The following SNX30 variants were observed in gnomAD, a reference collection of about 807,000 sequenced individuals.
SNX30 encodes the protein sorting nexin-30.
In SNX30, 24 loss-of-function variants were observed where a neutral mutation model predicts 46.4. The observed-to-expected ratio is 0.52, with a 90% confidence interval of 0.37 to 0.73. The LOEUF is 0.73. Among genes scored for constraint, SNX30 ranks in the 30% least tolerant of loss-of-function variants. SNX30 has a pLI of 0.00. For missense variants in SNX30, 533 were observed against 555.7 expected, an observed-to-expected ratio of 0.96 and a Z score of 0.41; for synonymous variants, 189 against 211.5, an observed-to-expected ratio of 0.89 and a Z score of 0.92.
intron 1 of SNX30, among the ~76,000 whole-genome samples, chr9:112,757,230 G>A (rs1588104626): frequency 6.6e-6 from 1 of 152,178 alleles, no homozygotes; most frequent in Non-Finnish European, 1.5e-5. Flanking sequence ...CCATATGTAA[G>A]TGAGATCACT....
intron 2 of SNX30, among the ~76,000 whole-genome samples, chr9:112,807,125 C>T (rs569159913): frequency 4.1e-5 from 5 of 121,898 alleles, no homozygotes; most frequent in South Asian, 2.8e-4. Flanking sequence ...AGTGTAGTGG[C>T]GTGATCTCAG....
At chr9:112,750,076 C>T (rs1335348998), upstream of SNX30, among the ~76,000 whole-genome samples, 3 of 152,232 alleles carry the variant, frequency 2.0e-5, no homozygotes, top group Non-Finnish European at 4.4e-5. Context: ...TAACTTGAAC[C>T]TCATGGTTCT....
chr9:112,836,500 T>C (rs745423116), intron 5 of SNX30, 91 bp downstream of exon 5: 1 of 1,382,856 alleles, frequency 7.2e-7, no homozygotes, highest in Non-Finnish European at 9.9e-7. Context: ...AACTGCAAAA[T>C]GCTGGAGTGA....
intron 3 of SNX30, among the ~76,000 whole-genome samples, chr9:112,829,274 ATGTT>A (rs941819553): frequency 2.6e-4 from 39 of 152,128 alleles, no homozygotes; most frequent in Admixed American, 5.2e-4. Context: ...GTTTTAAAAA[ATGTT>A]TGTTTGTTTG....
chr9:112,820,527 G>A (rs936535979), intron 3 of SNX30, among the ~76,000 whole-genome samples: 1 of 152,168 alleles, frequency 6.6e-6, no homozygotes, highest in African/African-American at 2.4e-5. Flanking sequence ...CCCTTTTTAA[G>A]AAAGGATTTA....
At chr9:112,865,659 A>G (rs367593941) in intron 8 of SNX30, among the ~76,000 whole-genome samples, 26,383 of 79,586 alleles carry the variant, frequency 0.33, 4,468 homozygotes, top group East Asian at 0.38. Context: ...ATATATATAT[A>G]TATGTATGTA....
chr9:112,757,672 G>A (rs537586633), intron 1 of SNX30, among the ~76,000 whole-genome samples: 6 of 152,008 alleles, frequency 3.9e-5, no homozygotes, highest in Non-Finnish European at 7.4e-5. Context: ...TTGCTTTCCC[G>A]TCCTGGCTTT....
chr9:112,815,289 A>G (rs1840379201), intron 2 of SNX30, among the ~76,000 whole-genome samples: 2 of 152,180 alleles, frequency 1.3e-5, no homozygotes. Context: ...TAGAGTAGAA[A>G]TATTACATAA....
At chr9:112,776,454 C>G (rs1839749490) in intron 1 of SNX30, among the ~76,000 whole-genome samples, 1 of 152,206 alleles carries the variant, frequency 6.6e-6, no homozygotes, top group Non-Finnish European at 1.5e-5. Context: ...AGATGATGAT[C>G]TTGGCCAAGG....
chr9:112,751,482 C>A (rs1839275889), intron 1 of SNX30, among the ~76,000 whole-genome samples: 1 of 152,220 alleles, frequency 6.6e-6, no homozygotes, highest in South Asian at 2.1e-4. Flanking sequence ...GTTCCGAGTT[C>A]CTCCAGGTGC....
At chr9:112,770,220 G>T (rs1057206326) in intron 1 of SNX30, among the ~76,000 whole-genome samples, 7 of 152,042 alleles carry the variant, frequency 4.6e-5, no homozygotes, top group African/African-American at 1.4e-4. Context: ...TGGCCAGGCT[G>T]GAGTGTTGTG....
At chr9:112,813,522 G>A (rs1840350599) in intron 2 of SNX30, among the ~76,000 whole-genome samples, 1 of 148,748 alleles carries the variant, frequency 6.7e-6, no homozygotes, top group Non-Finnish European at 1.5e-5. Flanking sequence ...AGGCTGGAGT[G>A]CAGTGGCGCG....
At chr9:112,775,622 T>C (rs754951038) in intron 1 of SNX30, among the ~76,000 whole-genome samples, 74 of 143,614 alleles carry the variant, frequency 5.2e-4, no homozygotes, top group Non-Finnish European at 1.0e-3. Context: ...AATTTAGAAG[T>C]TACAAAAATT....
intron 4 of SNX30, 29 bp downstream of exon 4, chr9:112,830,912 T>C: frequency 6.3e-7 from 1 of 1,584,698 alleles, no homozygotes; most frequent in African/African-American, 1.4e-5. Flanking sequence ...ATCCTCTTCG[T>C]CCATATTACC....
chr9:112,858,571 G>A (rs1235747442), intron 7 of SNX30, among the ~76,000 whole-genome samples: 1 of 152,214 alleles, frequency 6.6e-6, no homozygotes, highest in East Asian at 1.9e-4. Context: ...TCAGTGAATT[G>A]ATAGTTACAA....
intron 6 of SNX30, among the ~76,000 whole-genome samples, chr9:112,843,343 T>C (rs1336267505): frequency 6.6e-6 from 1 of 152,146 alleles, no homozygotes; most frequent in African/African-American, 2.4e-5. Context: ...TCTTGGTGAA[T>C]GACTGGGGTG....
chr9:112,837,107 C>T (rs1840767823), intron 5 of SNX30, among the ~76,000 whole-genome samples: 1 of 152,214 alleles, frequency 6.6e-6, no homozygotes, highest in African/African-American at 2.4e-5. Flanking sequence ...AGTTGCCATT[C>T]ATCGGTCACT....
chr9:112,792,882 C>CT (rs11447466), intron 1 of SNX30, among the ~76,000 whole-genome samples: 135,417 of 146,866 alleles, frequency 0.92, 62,432 homozygotes, highest in East Asian at 0.99. Context: ...TTTCTTTAGG[C>CT]TTTTTTTTTT....
chr9:112,769,343 G>A (rs1564262458), intron 1 of SNX30, among the ~76,000 whole-genome samples: 1 of 152,198 alleles, frequency 6.6e-6, no homozygotes, highest in Non-Finnish European at 1.5e-5. Flanking sequence ...ATCCTGGGCT[G>A]TGGGGCTGGC....
Sources: allele counts gnomAD v4.1 joint callset (sites outside exome capture counted in the v4.1 genomes callset), GRCh38; gene constraint gnomAD v4.1.1; transcripts MANE v1.5; gene names NCBI Gene and HGNC (gene_info 2026-07-23, HGNC 2026-07-21).